The following UNC5C variants were observed in gnomAD, a reference collection of about 807,000 sequenced individuals.
UNC5C encodes the protein netrin receptor UNC5C.
A neutral mutation model predicts 99.8 loss-of-function variants in UNC5C; 47 were observed. The observed-to-expected ratio is 0.47, with a 90% confidence interval of 0.37 to 0.60. The LOEUF is 0.60. UNC5C is among the 20% of genes least tolerant of loss of function. The probability of loss-of-function intolerance (pLI) is 0.00; values close to 1 mark genes in which losing one functional copy is unlikely to be tolerated. For synonymous variants in UNC5C, 487 were observed against 452.2 expected (o/e 1.08, Z -0.98); for missense variants, 1,062 against 1,165.9 (o/e 0.91, Z 1.30).
chr4:95,452,529 A>G (rs265047), intron 1 of UNC5C, among the ~76,000 whole-genome samples: 20,370 of 152,134 alleles, frequency 0.13, 1,842 homozygotes, highest in African/African-American at 0.25. Flanking sequence ...AGACACTACC[A>G]TACAAGATAA....
intron 12 of UNC5C, among the ~76,000 whole-genome samples, chr4:95,198,201 CT>C (rs1199543489): frequency 6.6e-6 from 1 of 151,974 alleles, no homozygotes; most frequent in African/African-American, 2.4e-5. Flanking sequence ...GTTGGCCAGG[CT>C]GGTCTTGAAC....
At chr4:95,265,160 G>A (rs985744229) in intron 4 of UNC5C, among the ~76,000 whole-genome samples, 1 of 152,134 alleles carries the variant, frequency 6.6e-6, no homozygotes, top group Non-Finnish European at 1.5e-5. Context: ...ATATGCACTG[G>A]TTGAGTGACT....
intron 1 of UNC5C, among the ~76,000 whole-genome samples, chr4:95,373,500 A>G (rs1560809042): frequency 6.6e-6 from 1 of 152,086 alleles, no homozygotes; most frequent in Non-Finnish European, 1.5e-5. Context: ...CTCCTTACGC[A>G]CCATTTCATT....
intron 1 of UNC5C, among the ~76,000 whole-genome samples, chr4:95,349,070 A>T (rs7441683): frequency 0.78 from 116,082 of 149,628 alleles, 45,682 homozygotes; most frequent in East Asian, 1. Flanking sequence ...CAGAACAGGG[A>T]GACCACAGTC....
intron 2 of UNC5C, among the ~76,000 whole-genome samples, chr4:95,309,296 A>T (rs1456846300): frequency 6.6e-6 from 1 of 152,114 alleles, no homozygotes; most frequent in Non-Finnish European, 1.5e-5. Context: ...ATAGATTAAA[A>T]ATTTAAATAT....
At chr4:95,303,195 G>A (rs1373448676) in intron 2 of UNC5C, among the ~76,000 whole-genome samples, 1 of 152,084 alleles carries the variant, frequency 6.6e-6, no homozygotes, top group Non-Finnish European at 1.5e-5. Flanking sequence ...TGAAAGTGTG[G>A]CCCCCAGAGC....
At chr4:95,172,912 T>C (rs1736182777) in intron 14 of UNC5C, among the ~76,000 whole-genome samples, 1 of 152,162 alleles carries the variant, frequency 6.6e-6, no homozygotes, top group South Asian at 2.1e-4. Flanking sequence ...CTCTTTTATT[T>C]CCTTGAGCAG....
In UNC5C at chr4:95,244,983, A is replaced by G. The variant is rs1222836353; in HGVS notation, c.937T>C (p.Cys313Arg). ...AGAGGACTGGTTTATTTACCTGGGCATAACGTAGTACAGGCTATTTTCTGC... is the reference window on the plus strand; with the variant it reads ...AGAGGACTGGTTTATTTACCTGGGCGTAACGTAGTACAGGCTATTTTCTGC... The part of the protein sequence containing the change: ...SVQKIACTTL[C>R]PVDGRWTPWS... Residue 313 changes from cysteine to arginine, a missense_variant, in exon 6 of 16, where the codon TGC (cysteine) becomes CGC (arginine). Around this residue, in one of 3 missense-constraint regions of UNC5C, gnomAD observed 810 missense variants for 854.5 expected, o/e 0.95. Transcript: ENST00000453304. The G allele has an allele frequency of 1.9e-6, 3 of 1,613,962 alleles. No individual in the cohort carries two copies. The highest frequency in any genetic ancestry group is 8.5e-7 in the Non-Finnish European group (1 of 1,179,968).
chr4:95,438,822 T>C (rs1473921191), intron 1 of UNC5C, among the ~76,000 whole-genome samples: 1 of 152,182 alleles, frequency 6.6e-6, no homozygotes, highest in Non-Finnish European at 1.5e-5. Context: ...GATTGATTTA[T>C]TTGTAAACTT....
intron 1 of UNC5C, among the ~76,000 whole-genome samples, chr4:95,519,207 AG>A (rs991355427): frequency 5.3e-5 from 8 of 152,130 alleles, no homozygotes; most frequent in Admixed American, 4.6e-4. Flanking sequence ...AAAAAATTCT[AG>A]GGGAGTAGTA....
intron 7 of UNC5C, among the ~76,000 whole-genome samples, chr4:95,221,804 G>C (rs1191118232): frequency 6.6e-6 from 1 of 152,068 alleles, no homozygotes; most frequent in Admixed American, 6.6e-5. Context: ...TCTGAACTCT[G>C]GTCAGAATAT....
At chr4:95,242,308 C>T (rs1334715616) in intron 7 of UNC5C, 121 bp downstream of exon 7, 3 of 1,356,350 alleles carry the variant, frequency 2.2e-6, no homozygotes, top group Non-Finnish European at 3.0e-6. Flanking sequence ...TAGAATATTG[C>T]TATGTTATTG....
intron 12 of UNC5C, among the ~76,000 whole-genome samples, chr4:95,202,329 AAAAAG>A (rs1432668843): frequency 6.6e-6 from 1 of 152,220 alleles, no homozygotes; most frequent in East Asian, 1.9e-4. Flanking sequence ...CAGCCCTCAT[AAAAAG>A]AATAGGAAAG....
At chr4:95,177,845 G>A (rs968379067) in intron 14 of UNC5C, among the ~76,000 whole-genome samples, 1 of 151,046 alleles carries the variant, frequency 6.6e-6, no homozygotes, top group Non-Finnish European at 1.5e-5. Context: ...GAGACTATCG[G>A]TGTGCACCAT....
chr4:95,526,292 A>C (rs570799955), intron 1 of UNC5C, among the ~76,000 whole-genome samples: 128 of 152,208 alleles, frequency 8.4e-4, no homozygotes, highest in Non-Finnish European at 1.6e-3. Flanking sequence ...TTCCTGCACA[A>C]AAATGACCCA....
chr4:95,482,245 G>A (rs1326225430), intron 1 of UNC5C, among the ~76,000 whole-genome samples: 3 of 151,084 alleles, frequency 2.0e-5, no homozygotes, highest in East Asian at 3.9e-4. Flanking sequence ...GCAGCCAAAA[G>A]ACACATGAAA....
Position 95,384,090 on chromosome 4 carries a change from T to C in UNC5C, c.125-48459A>G, listed in dbSNP as rs150087640. On this transcript the variant is annotated intron_variant, in intron 1 of 15. Coordinates refer to ENST00000453304, the MANE Select transcript of UNC5C (RefSeq NM_003728.4). ...TACAGTGTTCAAAAATGATTTACTC[T>C]AAGATAAAGTAATAACTAGGATGCT... Among the ~76,000 whole-genome samples the C allele has an allele frequency of 3.6e-3, 543 of 152,318 alleles. 4 individuals are homozygous for C. Among genetic ancestry groups the C allele is most frequent in the African/African-American group, 0.012 (517 of 41,580 alleles).
intron 1 of UNC5C, among the ~76,000 whole-genome samples, chr4:95,352,965 A>C (rs1431076602): frequency 3.9e-5 from 6 of 152,228 alleles, no homozygotes; most frequent in Admixed American, 3.9e-4. Context: ...TCCACACAAC[A>C]TGGCCCAAAG....
At chr4:95,501,295 A>C (rs1204444515) in intron 1 of UNC5C, among the ~76,000 whole-genome samples, 2 of 152,204 alleles carry the variant, frequency 1.3e-5, no homozygotes, top group South Asian at 2.1e-4. Context: ...TTATTGGCTC[A>C]GAATTCTGAA....
Sources: allele counts gnomAD v4.1 joint callset (sites outside exome capture counted in the v4.1 genomes callset), GRCh38; gene constraint gnomAD v4.1.1; regional missense constraint gnomAD v4.1.1; transcripts MANE v1.5; gene names NCBI Gene and HGNC (gene_info 2026-07-23, HGNC 2026-07-21).